DHX8: variants seen among roughly 807,000 people sequenced by gnomAD.
The protein encoded by DHX8 is DEAH-box helicase 8.
DHX8 carries 67 observed loss-of-function variants against 140.7 expected under a neutral mutation model. That is an observed-to-expected ratio of 0.48 (90% CI 0.39 to 0.58). The LOEUF is 0.58. Among genes scored for constraint, DHX8 ranks in the 20% least tolerant of loss-of-function variants. The pLI, the probability that DHX8 is intolerant of heterozygous loss-of-function variation, is 0.00. For missense variants in DHX8, 887 were observed against 1,550.7 expected, an observed-to-expected ratio of 0.57 and a Z score of 7.19; for synonymous variants, 533 against 553.2, an observed-to-expected ratio of 0.96 and a Z score of 0.51.
rs771903921 is a variant in DHX8, at chr17:43,492,975, C to A, written c.798C>A (p.Asp266Glu). The A allele has an allele frequency of 2.2e-5, 35 of 1,614,072 alleles. No homozygotes were observed. Among genetic ancestry groups the A allele is most frequent in the Non-Finnish European group, 2.8e-5 (33 of 1,180,038 alleles). The change falls in exon 6 of 23, where the codon GAC becomes GAA. Residue 266 changes from aspartate (D) to glutamate (E), a missense_variant. Physicochemically the swap from Asp to Glu is conservative, Grantham distance 45. This residue lies in a region of DHX8 where 304 missense variants were observed against 306.9 expected (regional missense o/e 0.99). Coordinates refer to ENST00000262415, the MANE Select transcript of DHX8 (RefSeq NM_004941.3). ...CTCCAGAAGAGCCCACCATTGGTGA[C>A]ATTTATAATGGCAAAGTTACCAGCA... Reference protein sequence around the residue: ...RPPPEEPTIGDIYNGKVTSIM... With the variant: ...RPPPEEPTIGEIYNGKVTSIM...
rs1968587163 is a variant in DHX8 at position 43,492,567 on chromosome 17, G to T, written c.504-114G>T. ...TCGTAGTTATTGAAACTCTAATTCA[G>T]TTCAAAACCTAGTGGGTACCTACCA... is the stretch of plus-strand genomic sequence containing the variant. On this transcript the variant is annotated intron_variant, in intron 5 of 22. Coordinates refer to ENST00000262415, the MANE Select transcript of DHX8 (RefSeq NM_004941.3). The T allele has an allele frequency of 5.9e-6, 4 of 673,290 alleles. No homozygotes were observed. In the South Asian group the frequency reaches 7.5e-5, roughly 13 times the overall value. The allele number at this position is 673,290 out of a possible 1,614,324, so 41.7% of individuals were successfully genotyped here. A position where few individuals can be genotyped will look rare whatever the true frequency, so the allele number is the denominator to read the frequency against.
chr17:43,522,367 C>A, intron 22 of DHX8, 141 bp downstream of exon 22: 1 of 794,370 alleles, frequency 1.3e-6, no homozygotes, highest in Non-Finnish European at 2.0e-6. Flanking sequence ...GCAGCAGAAA[C>A]CTGAATTAGG....
rs1968621202 is a variant in DHX8, at chr17:43,492,908, G to A, written c.731G>A (p.Arg244Gln). The A allele has an allele frequency of 8.7e-6, 14 of 1,614,080 alleles. No individual in the cohort carries two copies. The highest frequency in any genetic ancestry group is 1.7e-5 in the Admixed American group (1 of 60,006). Residue 244 changes from arginine (R) to glutamine (Q), a missense_variant, in exon 6 of 23, where the codon CGG becomes CAG. Arg to Gln is a conservative substitution (Grantham distance 43, BLOSUM62 1). This residue lies in a region of DHX8 where 304 missense variants were observed against 306.9 expected (regional missense o/e 0.99). Coordinates refer to ENST00000262415, the MANE Select transcript of DHX8 (RefSeq NM_004941.3). ...DRKDRDKYGE[R>Q]NLDRWRDKHV... is the part of the protein sequence containing the mutation. ...AAGGACCGGGACAAATATGGAGAGC[G>A]GAATCTGGATAGATGGCGGGATAAG...
chr17:43,508,110 T>G, intron 15 of DHX8, 91 bp downstream of exon 15: 1 of 1,313,104 alleles, frequency 7.6e-7, no homozygotes, highest in Non-Finnish European at 1.0e-6. Flanking sequence ...TTGCTAATCT[T>G]TTTAAAAACA....
intron 7 of DHX8, 27 bp downstream of exon 7, chr17:43,493,616 A>C (rs368892637): frequency 2.5e-6 from 4 of 1,614,138 alleles, no homozygotes; most frequent in Non-Finnish European, 3.4e-6. Flanking sequence ...GCCTGTTCTT[A>C]CATGTGATGG....
chr17:43,485,820 C>G (rs888939594), intron 1 of DHX8, among the ~76,000 whole-genome samples: 1 of 152,176 alleles, frequency 6.6e-6, no homozygotes, highest in East Asian at 1.9e-4. Flanking sequence ...TTATTTATAG[C>G]TAAAGATCTC....
chr17:43,500,052 G>A lies in DHX8; in HGVS notation c.1495G>A (p.Asp499Asn). ...ACAGGCCCAGCGGGAAGCTGAGATG[G>A]ATTCTATTCCCATGGGACTCAACAA... ...LKQAQREAEM[D>N]SIPMGLNKHW... The change falls in exon 11 of 23, where the codon GAT becomes AAT. Residue 499 changes from aspartate to asparagine, a missense_variant. Physicochemically the swap from Asp to Asn is conservative, Grantham distance 23 (BLOSUM62 1). This residue lies in a region of DHX8 where 178 missense variants were observed against 398.5 expected (regional missense o/e 0.45). Coordinates refer to ENST00000262415, the MANE Select transcript of DHX8 (RefSeq NM_004941.3). 1 of 1,614,192 alleles carries A rather than the reference G, an allele frequency of 6.2e-7. No individual in the cohort carries two copies. The highest frequency in any genetic ancestry group is 8.5e-7 in the Non-Finnish European group (1 of 1,180,034).
chr17:43,526,436 C>T (rs968434834), downstream of DHX8: 15 of 1,531,974 alleles, frequency 9.8e-6, no homozygotes, highest in African/African-American at 4.1e-5. Context: ...TCAGGCTCCT[C>T]GGTCCAGGTT....
At chr17:43,513,565 T>G in intron 17 of DHX8, 63 bp downstream of exon 17, 1 of 1,552,852 alleles carries the variant, frequency 6.4e-7, no homozygotes, top group African/African-American at 1.4e-5. Flanking sequence ...TGAAACTTTT[T>G]TATGGTTATA....
intron 3 of DHX8, chr17:43,543,744 A>C (rs1598220600): frequency 1.3e-5 from 2 of 152,198 alleles, no homozygotes; most frequent in Non-Finnish European, 2.9e-5. Context: ...ATACCCTCAG[A>C]ACCTCCAGAT....
At chr17:43,489,692 G>A (rs972559182) in intron 2 of DHX8, among the ~76,000 whole-genome samples, 158 bp downstream of exon 2, 7 of 149,962 alleles carry the variant, frequency 4.7e-5, no homozygotes, top group African/African-American at 7.6e-5. Flanking sequence ...CCGGGTTCAC[G>A]CCATTCTCTT....
At chr17:43,535,503 C>G (rs1054541767) in intron 2 of DHX8, among the ~76,000 whole-genome samples, 1 of 152,186 alleles carries the variant, frequency 6.6e-6, no homozygotes, top group Non-Finnish European at 1.5e-5. Context: ...TCTCAAACTC[C>G]TGACCTCATG....
chr17:43,540,650 T>G (rs988411137), intron 3 of DHX8, among the ~76,000 whole-genome samples: 3 of 152,080 alleles, frequency 2.0e-5, no homozygotes, highest in Non-Finnish European at 4.4e-5. Flanking sequence ...CAGGTAATCC[T>G]TTCACTTCAG....
chr17:43,533,722 G>A, intron 2 of DHX8: 1 of 1,125,162 alleles, frequency 8.9e-7, no homozygotes, highest in Non-Finnish European at 1.3e-6. Flanking sequence ...TAGCTGTATT[G>A]CTTCCTTACA....
intron 22 of DHX8, 66 bp from the exon 23 acceptor site, chr17:43,523,562 G>A (rs1175875079): frequency 1.3e-6 from 2 of 1,594,908 alleles, no homozygotes; most frequent in East Asian, 2.2e-5. Flanking sequence ...GCCTACTAGG[G>A]ACCAGGTTGA....
chr17:43,507,477 G>A (rs766904532), intron 13 of DHX8, 26 bp from the exon 14 acceptor site: 3 of 1,598,180 alleles, frequency 1.9e-6, no homozygotes, highest in Non-Finnish European at 2.6e-6. Flanking sequence ...TTGTATCCTA[G>A]GTTTTCCCCT....
rs189338830 is a variant in DHX8 at position 43,543,370 on chromosome 17, G to A, written c.*21-792G>A. Among the ~76,000 whole-genome samples the A allele has an allele frequency of 2.7e-4, 41 of 151,980 alleles. No individual in the cohort carries two copies. In the East Asian group the frequency reaches 4.8e-3, roughly 18 times the overall value. ...TACCCTCTCCAGACCCCTGGCCAAGGGGTGGGACTTCCAAGGTAGAGAGAT... is the reference window on the plus strand; with the variant it reads ...TACCCTCTCCAGACCCCTGGCCAAGAGGTGGGACTTCCAAGGTAGAGAGAT... On this transcript the variant is annotated intron_variant, in intron 3 of 3. Transcript: ENST00000589898.
intron 1 of DHX8, among the ~76,000 whole-genome samples, chr17:43,485,812 A>G (rs971149474): frequency 3.3e-5 from 5 of 152,242 alleles, no homozygotes; most frequent in African/African-American, 1.2e-4. Context: ...CTTTTAGTTT[A>G]TTTATAGCTA....
downstream of DHX8, chr17:43,530,275 C>T: frequency 6.6e-7 from 1 of 1,526,230 alleles, no homozygotes; most frequent in Non-Finnish European, 8.8e-7. Context: ...AGAATTTCTT[C>T]CTTCCAGCCT....
Sources: allele counts gnomAD v4.1 joint callset (sites outside exome capture counted in the v4.1 genomes callset), GRCh38; gene constraint gnomAD v4.1.1; regional missense constraint gnomAD v4.1.1; transcripts MANE v1.5; gene names NCBI Gene and HGNC (gene_info 2026-07-23, HGNC 2026-07-21).